Variants in SGTA observed in about 807,000 individuals in gnomAD.
SGTA encodes the protein small glutamine rich tetratricopeptide repeat co-chaperone alpha.
In SGTA, 22 loss-of-function variants were observed where a neutral mutation model predicts 44.3. That is an observed-to-expected ratio of 0.50 (90% confidence interval 0.36 to 0.71). The LOEUF (loss-of-function observed/expected upper bound fraction) is 0.71. SGTA is among the 30% of genes least tolerant of loss of function. The pLI is 0.00. For missense variants in SGTA, 341 were observed against 435.9 expected, an observed-to-expected ratio of 0.78 and a Z score of 1.94; for synonymous variants, 174 against 177.6, an observed-to-expected ratio of 0.98 and a Z score of 0.16.
intron 2 of SGTA, among the ~76,000 whole-genome samples, chr19:2,768,078 T>C (rs1381029818): frequency 6.6e-6 from 1 of 151,884 alleles, no homozygotes; most frequent in Admixed American, 6.5e-5. Flanking sequence ...CTGGCCTGAG[T>C]AAGGAGCTTG....
chr19:2,769,785 GGACACCCGCCTGGTTCCCCCACCT>G, intron 1 of SGTA, among the ~76,000 whole-genome samples: 1 of 55,630 alleles, frequency 1.8e-5, no homozygotes, highest in East Asian at 3.8e-4. Flanking sequence ...TGCCCCCCTC[GGACACCCGCCTGGTTCCCCCACCT>G]GACACCCTCC....
intron 1 of SGTA, among the ~76,000 whole-genome samples, chr19:2,778,262 G>A (rs970640503): frequency 2.0e-5 from 3 of 152,152 alleles, no homozygotes; most frequent in Non-Finnish European, 4.4e-5. Flanking sequence ...CCTTCGCAGG[G>A]AACTAACACA....
In SGTA at chr19:2,754,789, C is replaced by T. The variant is rs190893238; in HGVS notation, c.*1151G>A. 1 of 152,466 alleles carries T rather than the reference C, an allele frequency of 6.6e-6. No individual in the cohort carries two copies. Among genetic ancestry groups the T allele is most frequent in the East Asian group, 1.9e-4 (1 of 5,174 alleles). 9.4% of individuals were successfully genotyped at this position (152,466 alleles called of 1,614,324 possible). A position where few individuals can be genotyped will look rare whatever the true frequency, so the allele number is the denominator to read the frequency against. ...GTGGGCTTGGCACACACCTCACCGC[C>T]ATGAGCGGCTGCAGGGCCGCGGCGG... On this transcript the variant is annotated 3_prime_UTR_variant, in exon 12 of 12. Transcript: ENST00000221566. The surrounding 1 kb of genome is among the most constrained non-coding windows in gnomAD (Gnocchi z 4.4).
At position 2,765,464 on chromosome 19, in the gene SGTA, G is replaced by T. The variant is rs1311538672; in HGVS notation, c.293-179C>A. On this transcript the variant is annotated intron_variant, in intron 4 of 11. Transcript: ENST00000221566. The surrounding 1 kb of genome is among the most constrained non-coding windows in gnomAD (Gnocchi z 5.5). ...TCAGGAGGCATCTGCATCTATAGGGGGTTCGCTAGTCGCAAACAATCATAT... is the reference window on the plus strand; with the variant it reads ...TCAGGAGGCATCTGCATCTATAGGGTGTTCGCTAGTCGCAAACAATCATAT... Among the ~76,000 whole-genome samples, 2 of 152,172 alleles carry T rather than the reference G, an allele frequency of 1.3e-5. No individual in the cohort carries two copies. Among genetic ancestry groups the T allele is most frequent in the Non-Finnish European group, 2.9e-5 (2 of 68,038 alleles).
intron 1 of SGTA, among the ~76,000 whole-genome samples, chr19:2,772,875 A>G (rs376408914): frequency 4.5e-5 from 4 of 88,368 alleles, no homozygotes; most frequent in East Asian, 1.4e-3. Context: ...GGGCAGGGAC[A>G]CCGAGGGCAG....
intron 4 of SGTA, among the ~76,000 whole-genome samples, chr19:2,766,436 T>A (rs1052754590): frequency 6.6e-6 from 1 of 152,022 alleles, no homozygotes; most frequent in African/African-American, 2.4e-5. Context: ...ATTTTTTATT[T>A]TTTATTTTTT....
At chr19:2,760,453 G>A (rs1248908237) in intron 8 of SGTA, among the ~76,000 whole-genome samples, 1 of 148,034 alleles carries the variant, frequency 6.8e-6, no homozygotes, top group Admixed American at 6.8e-5. Context: ...GGGAGGCGGA[G>A]GTTGCAGTGA....
At chr19:2,774,105 C>T (rs1033705263) in intron 1 of SGTA, among the ~76,000 whole-genome samples, 2 of 152,320 alleles carry the variant, frequency 1.3e-5, no homozygotes, top group East Asian at 1.9e-4. Context: ...GACTGAGAGA[C>T]GATGAACTCT....
rs779449881 is a variant in SGTA, at chr19:2,767,823, G to A, written c.101-137C>T. 2.3e-5 allele frequency: 16 copies of A among 682,564 alleles called. No individual in the cohort carries two copies. Among genetic ancestry groups the A allele is most frequent in the African/African-American group, 7.1e-5 (4 of 56,192 alleles). The allele number at this position is 682,564 out of a possible 1,614,324, so 42.3% of individuals were successfully genotyped here. On this transcript the variant is annotated intron_variant, in intron 2 of 11. Transcript: ENST00000221566. This position sits in a 1 kb window ranked among gnomAD's most constrained non-coding sequence, Gnocchi z 7.3. ...AGGACCCCAGAACGCAGGGGCCGCC[G>A]CCTGTGCTCTGGGCTGGGACAGTGG...
chr19:2,778,503 C>CT (rs1029874095), intron 1 of SGTA, among the ~76,000 whole-genome samples: 5 of 152,028 alleles, frequency 3.3e-5, no homozygotes, highest in Admixed American at 3.3e-4. Context: ...CACCGCCCCC[C>CT]CCGGCCCCCG....
chr19:2,765,351 G>C lies in SGTA; in HGVS notation c.293-66C>G. 1.7e-6 allele frequency: 2 copies of C among 1,198,634 alleles called. No individual in the cohort carries two copies. The highest frequency in any genetic ancestry group is 2.5e-5 in the South Asian group (2 of 78,852). 74.2% of individuals were successfully genotyped at this position (1,198,634 alleles called of 1,614,324 possible). ...GACCGGAGGGGGTGTCAGGGAGAGA[G>C]GAAAACACCGGCCTGGTGTCCACAC... On this transcript the variant is annotated intron_variant, in intron 4 of 11. Coordinates refer to ENST00000221566, the MANE Select transcript of SGTA (RefSeq NM_003021.4). The surrounding 1 kb of genome is among the most constrained non-coding windows in gnomAD (Gnocchi z 5.5).
At position 2,767,766 on chromosome 19, in the gene SGTA, T is replaced by G. The variant is rs760619017; in HGVS notation, c.101-80A>C. On this transcript the variant is annotated intron_variant, in intron 2 of 11. Coordinates refer to ENST00000221566, the MANE Select transcript of SGTA (RefSeq NM_003021.4). This position sits in a 1 kb window ranked among gnomAD's most constrained non-coding sequence, Gnocchi z 7.3. The stretch of plus-strand genomic sequence containing the variant: ...TTTTGGGTCTAGAGGGCGGGGTTGG[T>G]GCTCATGCTTCCCCAGGTGTGTTCA... 5 of 1,043,986 alleles carry G rather than the reference T, an allele frequency of 4.8e-6. No individual in the cohort carries two copies. Among genetic ancestry groups the G allele is most frequent in the Non-Finnish European group, 7.4e-6 (5 of 674,854 alleles). 64.7% of individuals were successfully genotyped at this position (1,043,986 alleles called of 1,614,324 possible). A position where few individuals can be genotyped will look rare whatever the true frequency, so the allele number is the denominator to read the frequency against.
chr19:2,776,373 A>G (rs1915445757), intron 1 of SGTA, among the ~76,000 whole-genome samples: 1 of 152,236 alleles, frequency 6.6e-6, no homozygotes, highest in Non-Finnish European at 1.5e-5. Context: ...GCAGCCATGA[A>G]AAGGAAATCC....
At position 2,755,757 on chromosome 19, in the gene SGTA, G is replaced by A. The variant is rs143875840; in HGVS notation, c.*183C>T. ...TCAAGAAGGGTCTGGGGGCTGTAAG[G>A]GAGTTACAAAAAGGGAGTGGAGGAG... On this transcript the variant is annotated 3_prime_UTR_variant, in exon 12 of 12. Coordinates refer to ENST00000221566, the MANE Select transcript of SGTA (RefSeq NM_003021.4). This position sits in a 1 kb window ranked among gnomAD's most constrained non-coding sequence, Gnocchi z 5.2. 1 of 985,570 alleles carries A rather than the reference G, an allele frequency of 1.0e-6. No homozygotes were observed. Among genetic ancestry groups the A allele is most frequent in the East Asian group, 1.1e-4 (1 of 8,818 alleles). The allele number at this position is 985,570 out of a possible 1,614,324, so 61.1% of individuals were successfully genotyped here.
chr19:2,757,649 C>G, intron 10 of SGTA, 44 bp downstream of exon 10: 1 of 1,488,240 alleles, frequency 6.7e-7, no homozygotes, highest in South Asian at 1.3e-5. Context: ...CGAGCCCTGC[C>G]CGCCGCCCAC....
Position 2,763,893 on chromosome 19 carries a change from G to A in SGTA, c.393-136C>T, listed in dbSNP as rs1168015694. ...CCTCAGTTTTCCCCATCTGTAAAAT[G>A]GGGCTGATGGGGAAAGCTGAGAGGT... On this transcript the variant is annotated intron_variant, in intron 5 of 11. Transcript: ENST00000221566. The surrounding 1 kb of genome is among the most constrained non-coding windows in gnomAD (Gnocchi z 5.8). 3 of 643,232 alleles carry A rather than the reference G, an allele frequency of 4.7e-6. No homozygotes were observed. Among genetic ancestry groups the A allele is most frequent in the East Asian group, 2.8e-5 (1 of 35,940 alleles). 39.8% of individuals were successfully genotyped at this position (643,232 alleles called of 1,614,324 possible).
intron 6 of SGTA, 132 bp from the exon 7 acceptor site, chr19:2,762,776 G>C: frequency 9.7e-7 from 1 of 1,034,130 alleles, no homozygotes; most frequent in Non-Finnish European, 1.4e-6. Context: ...CCCGCTGTCA[G>C]CTCAGTGGAG....
rs1011102644 is a variant in SGTA, at chr19:2,783,232, C to T, written c.-24+1G>A. The T allele has an allele frequency of 6.6e-6, 1 of 152,302 alleles. No homozygotes were observed. The highest frequency in any genetic ancestry group is 2.4e-5 in the African/African-American group (1 of 41,470). 9.4% of individuals were successfully genotyped at this position (152,302 alleles called of 1,614,324 possible). On this transcript the variant is annotated splice_donor_variant, in intron 1 of 11. Coordinates refer to ENST00000221566, the MANE Select transcript of SGTA (RefSeq NM_003021.4). LOFTEE classifies it low-confidence loss of function (5UTR_SPLICE). ...GGCTCAGCGCAGTGCCCCTCACTCA[C>T]CTCTCAGGCGACCGATCCCCGACCC... is the stretch of plus-strand genomic sequence containing the variant.
chr19:2,771,555 T>A (rs1313440238), intron 1 of SGTA, among the ~76,000 whole-genome samples: 1 of 133,818 alleles, frequency 7.5e-6, no homozygotes, highest in Non-Finnish European at 1.6e-5. Context: ...CCCCCATGGA[T>A]GGCGACAGCA....
Sources: gnomAD v4.1 joint callset for allele counts (sites outside exome capture counted in the v4.1 genomes callset) on GRCh38, gnomAD v4.1.1 for gene constraint, Gnocchi (gnomAD v3.1) non-coding constraint, MANE v1.5 for transcripts, NCBI Gene and HGNC (gene_info 2026-07-23, HGNC 2026-07-21) for gene names.